Variants in ANKFN1 observed in about 807,000 individuals in gnomAD.
ANKFN1 encodes the protein ankyrin repeat and fibronectin type III domain containing 1.
ANKFN1 carries 74 observed loss-of-function variants against 108.7 expected under a neutral mutation model. The ratio of observed to expected loss-of-function variants is 0.68; its 90% CI spans 0.56 to 0.83. The LOEUF (loss-of-function observed/expected upper bound fraction) is 0.83. Among genes scored for constraint, ANKFN1 ranks in the 40% least tolerant of loss-of-function variants. The pLI, the probability that ANKFN1 is intolerant of heterozygous loss-of-function variation, is 0.00. For synonymous variants in ANKFN1, 547 were observed against 516.2 expected, an observed-to-expected ratio of 1.06 and a Z score of -0.81; for missense variants, 1,505 against 1,382.3, an observed-to-expected ratio of 1.09 and a Z score of -1.41.
At chr17:56,199,267 CAAAA>C (rs35028021) in intron 1 of ANKFN1, among the ~76,000 whole-genome samples, 17 of 128,790 alleles carry the variant, frequency 1.3e-4, no homozygotes, top group East Asian at 2.2e-4. Flanking sequence ...ATTGCTGTTA[CAAAA>C]AAAAAAAAAA....
intron 3 of ANKFN1, among the ~76,000 whole-genome samples, chr17:56,241,221 C>G (rs528370231): frequency 6.6e-6 from 1 of 152,094 alleles, no homozygotes; most frequent in South Asian, 2.1e-4. Context: ...CTGCAGTGAG[C>G]TATGATTGTG....
chr17:56,467,238 T>C (rs2050106117), intron 15 of ANKFN1, among the ~76,000 whole-genome samples: 2 of 99,146 alleles, frequency 2.0e-5, no homozygotes, highest in Admixed American at 1.4e-4. Flanking sequence ...CATTTCTAAA[T>C]TGTATATATA....
intron 1 of ANKFN1, among the ~76,000 whole-genome samples, chr17:56,194,637 T>G (rs1193414278): frequency 6.6e-6 from 1 of 152,208 alleles, no homozygotes; most frequent in East Asian, 1.9e-4. Flanking sequence ...TTTTAGGTAG[T>G]AATACTCTGT....
At position 56,510,453 on chromosome 17, in the gene ANKFN1, C is replaced by A; in HGVS notation, c.2645-20C>A. ...TAGCTAAGACTATATTTTTCCTAAC[C>A]TCAGTTTCTGGCTTCGCAGATTCAC... On this transcript the variant is annotated intron_variant, in intron 20 of 20. Coordinates refer to ENST00000682825, the MANE Select transcript of ANKFN1 (RefSeq NM_001370326.1). 1 of 1,531,182 alleles carries A rather than the reference C, an allele frequency of 6.5e-7. No homozygotes were observed. The highest frequency in any genetic ancestry group is 1.2e-5 in the South Asian group (1 of 83,552). 94.8% of individuals were successfully genotyped at this position (1,531,182 alleles called of 1,614,324 possible). A position where few individuals can be genotyped will look rare whatever the true frequency, so the allele number is the denominator to read the frequency against.
intron 6 of ANKFN1, among the ~76,000 whole-genome samples, chr17:56,357,964 A>G (rs2046417695): frequency 1.3e-5 from 2 of 152,176 alleles, no homozygotes. Context: ...AGTTATCCCA[A>G]CACAACAAAG....
At chr17:56,104,491 C>G (rs961673622) in intron 4 of ANKFN1, among the ~76,000 whole-genome samples, 8 of 152,172 alleles carry the variant, frequency 5.3e-5, no homozygotes, top group Admixed American at 6.6e-5. Context: ...ACACCCAGTT[C>G]AGCACACTTA....
chr17:56,366,476 A>G (rs1046690891), intron 6 of ANKFN1, among the ~76,000 whole-genome samples: 6 of 152,174 alleles, frequency 3.9e-5, no homozygotes, highest in African/African-American at 9.7e-5. Flanking sequence ...GTAATGTCCT[A>G]CGTCCTCACA....
rs578260239 is a variant in ANKFN1 at position 56,092,736 on chromosome 17, T to C, written c.288+46411T>C. ...GGTTTTGGCCGTCTAGAGTCTCATC[T>C]GGGAGGGTCTGGGGGAGAATCTGCT... On this transcript the variant is annotated intron_variant, in intron 4 of 12. Coordinates refer to the ANKFN1 transcript ENST00000635860. Among the ~76,000 whole-genome samples, 250 of 151,190 alleles carry C rather than the reference T, an allele frequency of 1.7e-3. 8 individuals are homozygous for C. The highest frequency in any genetic ancestry group is 5.8e-3 in the African/African-American group (241 of 41,260).
chr17:56,467,795 A>G (rs865854977), intron 15 of ANKFN1, among the ~76,000 whole-genome samples: 551 of 17,036 alleles, frequency 0.032, 1 homozygote, highest in Middle Eastern at 0.12. Flanking sequence ...AAGAAAGAAG[A>G]AAGAAAGAAA....
intron 19 of ANKFN1, among the ~76,000 whole-genome samples, chr17:56,493,241 A>T (rs777698071): frequency 6.6e-6 from 1 of 152,108 alleles, no homozygotes; most frequent in Non-Finnish European, 1.5e-5. Context: ...GGTGCCAAAA[A>T]AAAGATATAC....
intron 4 of ANKFN1, among the ~76,000 whole-genome samples, chr17:56,126,482 G>A (rs2143322431): frequency 6.6e-6 from 1 of 152,222 alleles, no homozygotes; most frequent in South Asian, 2.1e-4. Flanking sequence ...TTCCTTGGAT[G>A]GCTCCATATG....
rs545514263 is a variant in ANKFN1 at position 56,103,293 on chromosome 17, G to A, written c.288+56968G>A. On this transcript the variant is annotated intron_variant, in intron 4 of 12. Transcript: ENST00000635860. ...ATCCCTGGAAAGAACAAGAGGAGCA[G>A]AGCTGAGCAGGATCAAAGGCGCAGG... Among the ~76,000 whole-genome samples, 3 of 152,306 alleles carry A rather than the reference G, an allele frequency of 2.0e-5. No homozygotes were observed. In the South Asian group the frequency reaches 6.2e-4, roughly 32 times the overall value.
chr17:56,204,270 C>A (rs1403540748), intron 1 of ANKFN1, among the ~76,000 whole-genome samples: 1 of 152,104 alleles, frequency 6.6e-6, no homozygotes, highest in Non-Finnish European at 1.5e-5. Flanking sequence ...TCGTCTCGAA[C>A]TTCTGATCTC....
chr17:56,389,277 A>G (rs2047363616), intron 8 of ANKFN1, among the ~76,000 whole-genome samples: 1 of 152,232 alleles, frequency 6.6e-6, no homozygotes, highest in South Asian at 2.1e-4. Context: ...TCTTCTGAGA[A>G]TTCTACTAAG....
chr17:56,274,338 T>A (rs1020235695), intron 3 of ANKFN1, among the ~76,000 whole-genome samples: 2 of 152,052 alleles, frequency 1.3e-5, no homozygotes, highest in Non-Finnish European at 2.9e-5. Context: ...CTGGGCGTGG[T>A]GGCGGGCGCC....
rs1164482797 is a variant in ANKFN1, at chr17:56,084,600, C to T, written c.288+38275C>T. Among the ~76,000 whole-genome samples, 5 of 151,332 alleles carry T rather than the reference C, an allele frequency of 3.3e-5. 1 individual carries two copies. Among genetic ancestry groups the T allele is most frequent in the African/African-American group, 4.9e-5 (2 of 41,182 alleles). On this transcript the variant is annotated intron_variant, in intron 4 of 12. Transcript: ENST00000635860. ...TCCACCGGGTAAGGGCCTGGTCCTTCCTGCGTGTTGACAGTGTATCTTTGA... is the reference window on the plus strand; with the variant it reads ...TCCACCGGGTAAGGGCCTGGTCCTTTCTGCGTGTTGACAGTGTATCTTTGA...
chr17:56,493,002 T>C (rs1205812658), intron 19 of ANKFN1, among the ~76,000 whole-genome samples: 1 of 152,172 alleles, frequency 6.6e-6, no homozygotes, highest in Admixed American at 6.5e-5. Context: ...AATCTTTCTG[T>C]CCATCAGTTA....
intron 8 of ANKFN1, among the ~76,000 whole-genome samples, chr17:56,398,476 C>A (rs2047652821): frequency 6.6e-6 from 1 of 152,122 alleles, no homozygotes; most frequent in African/African-American, 2.4e-5. Flanking sequence ...GTTTCCTTTT[C>A]TTTAAAACAA....
chr17:56,147,327 C>T (rs750045378), intron 4 of ANKFN1, among the ~76,000 whole-genome samples: 2 of 152,202 alleles, frequency 1.3e-5, no homozygotes, highest in Non-Finnish European at 2.9e-5. Context: ...CAGCACCTCA[C>T]TCTACTGGTA....
Sources: allele counts gnomAD v4.1 joint callset (sites outside exome capture counted in the v4.1 genomes callset), GRCh38; gene constraint gnomAD v4.1.1; transcripts MANE v1.5; gene names NCBI Gene and HGNC (gene_info 2026-07-23, HGNC 2026-07-21).